The following EYA2 variants were observed in gnomAD, a reference collection of about 807,000 sequenced individuals.
EYA2 encodes the protein EYA transcriptional coactivator and phosphatase 2.
In EYA2, 31 loss-of-function variants were observed where a neutral mutation model predicts 69.2. That is an observed-to-expected ratio of 0.45 (90% confidence interval 0.34 to 0.60). The LOEUF (loss-of-function observed/expected upper bound fraction) is 0.60, where lower values mean the gene tolerates loss of function less well. EYA2 is among the 20% of genes least tolerant of loss of function. The pLI is 0.02. For synonymous variants in EYA2, 257 were observed against 279.4 expected, an observed-to-expected ratio of 0.92 and a Z score of 0.80; for missense variants, 622 against 701.2, an observed-to-expected ratio of 0.89 and a Z score of 1.28.
chr20:47,037,426 CGTGTTGCATTGTTAT>C (rs1178195500), intron 5 of EYA2, among the ~76,000 whole-genome samples: 3 of 152,194 alleles, frequency 2.0e-5, no homozygotes, highest in East Asian at 1.9e-4. Context: ...GGCATTATTA[CGTGTTGCATTGTTAT>C]GTGTTGCATT....
intron 1 of EYA2, among the ~76,000 whole-genome samples, chr20:46,966,793 C>T (rs553345007): frequency 1.0e-4 from 15 of 147,464 alleles, no homozygotes; most frequent in Non-Finnish European, 1.5e-4. Flanking sequence ...CCAGCCTGGG[C>T]GACAGAGCGA....
chr20:47,156,346 A>C (rs1042798032), intron 10 of EYA2, among the ~76,000 whole-genome samples: 1 of 150,430 alleles, frequency 6.6e-6, no homozygotes, highest in African/African-American at 2.4e-5. Flanking sequence ...AAAATAAAAA[A>C]ATAAGGAAAG....
At chr20:47,003,230 C>T (rs1348178350) in intron 3 of EYA2, among the ~76,000 whole-genome samples, 3 of 152,214 alleles carry the variant, frequency 2.0e-5, no homozygotes, top group Admixed American at 2.0e-4. Flanking sequence ...TTAAGTCTCT[C>T]TCTGCCTCTG....
intron 1 of EYA2, among the ~76,000 whole-genome samples, chr20:46,954,023 C>G (rs1237434824): frequency 6.6e-6 from 1 of 152,198 alleles, no homozygotes; most frequent in Non-Finnish European, 1.5e-5. Context: ...TCCAACCACA[C>G]GATTCTTCTT....
intron 11 of EYA2, among the ~76,000 whole-genome samples, chr20:47,172,275 A>C (rs1366257949): frequency 2.0e-5 from 3 of 151,920 alleles, no homozygotes; most frequent in Non-Finnish European, 4.4e-5. Context: ...CTCTCCAAAA[A>C]ATAAAAATAA....
chr20:47,134,086 T>G (rs1199165082), intron 9 of EYA2, among the ~76,000 whole-genome samples: 1 of 152,202 alleles, frequency 6.6e-6, no homozygotes, highest in Non-Finnish European at 1.5e-5. Context: ...AGTTAACCCT[T>G]TCCTGCACAG....
At chr20:47,050,206 A>G (rs1220668172) in intron 5 of EYA2, among the ~76,000 whole-genome samples, 2 of 152,180 alleles carry the variant, frequency 1.3e-5, no homozygotes, top group East Asian at 3.8e-4. Context: ...CCTGCCGGAG[A>G]GCTTGGCTTT....
chr20:47,092,656 G>A (rs1056202696), intron 8 of EYA2, among the ~76,000 whole-genome samples: 1 of 152,308 alleles, frequency 6.6e-6, no homozygotes, highest in African/African-American at 2.4e-5. Context: ...AAAGAGGTGG[G>A]GAGGGTTATG....
chr20:47,153,312 T>A (rs1035989067), intron 10 of EYA2, among the ~76,000 whole-genome samples: 1 of 151,918 alleles, frequency 6.6e-6, no homozygotes, highest in Non-Finnish European at 1.5e-5. Flanking sequence ...ATGCCCAGGA[T>A]GAAGCGTAGG....
At chr20:46,986,715 G>A (rs959329434) in intron 1 of EYA2, among the ~76,000 whole-genome samples, 33 of 152,114 alleles carry the variant, frequency 2.2e-4, no homozygotes, top group African/African-American at 8.0e-4. Flanking sequence ...CACATCCCAC[G>A]GTAACAGAAG....
intron 1 of EYA2, among the ~76,000 whole-genome samples, chr20:46,925,923 T>C (rs74988065): frequency 8.3e-6 from 1 of 119,998 alleles, no homozygotes; most frequent in Non-Finnish European, 1.7e-5. Context: ...TCACAGATAA[T>C]AGAGAATTGG....
intron 1 of EYA2, among the ~76,000 whole-genome samples, chr20:46,972,460 C>T (rs1350172143): frequency 6.6e-6 from 1 of 152,204 alleles, no homozygotes; most frequent in Non-Finnish European, 1.5e-5. Context: ...ATGAGATCTG[C>T]ACCTTGTTCC....
At chr20:47,149,096 A>C (rs78573725) in intron 10 of EYA2, among the ~76,000 whole-genome samples, 3 of 152,172 alleles carry the variant, frequency 2.0e-5, no homozygotes, top group African/African-American at 4.8e-5. Flanking sequence ...AAAAAAAAAA[A>C]CAAGTATTAT....
At chr20:46,950,683 G>A (rs1978741198) in intron 1 of EYA2, among the ~76,000 whole-genome samples, 3 of 152,224 alleles carry the variant, frequency 2.0e-5, no homozygotes, top group Admixed American at 2.0e-4. Context: ...ACTGTGCAGA[G>A]TCTGGAGTAG....
intron 10 of EYA2, among the ~76,000 whole-genome samples, chr20:47,154,477 C>A (rs572501150): frequency 6.6e-6 from 1 of 152,096 alleles, no homozygotes; most frequent in Non-Finnish European, 1.5e-5. Flanking sequence ...GTGAACAGCC[C>A]AAGTCACATA....
chr20:47,059,752 T>C (rs1335203782), intron 5 of EYA2, among the ~76,000 whole-genome samples: 1 of 152,226 alleles, frequency 6.6e-6, no homozygotes, highest in Non-Finnish European at 1.5e-5. Context: ...GCCATGGTTG[T>C]GGAATCTTAC....
chr20:47,182,024 C>CT (rs1481147084), intron 14 of EYA2, among the ~76,000 whole-genome samples: 5 of 151,428 alleles, frequency 3.3e-5, no homozygotes, highest in Non-Finnish European at 5.9e-5. Flanking sequence ...AACCTTTTTT[C>CT]TTTTTTTTAA....
intron 9 of EYA2, among the ~76,000 whole-genome samples, chr20:47,138,045 C>G (rs895814274): frequency 6.6e-5 from 10 of 151,304 alleles, no homozygotes; most frequent in Admixed American, 2.6e-4. Flanking sequence ...TGCTAAATGA[C>G]GAGTTAATGG....
At chr20:47,026,449 T>C (rs1161479072) in intron 5 of EYA2, among the ~76,000 whole-genome samples, 1 of 151,744 alleles carries the variant, frequency 6.6e-6, no homozygotes, top group Non-Finnish European at 1.5e-5. Context: ...TTTTTCTTTT[T>C]TGGCACGGCA....
Sources: allele counts gnomAD v4.1 joint callset (sites outside exome capture counted in the v4.1 genomes callset), GRCh38; gene constraint gnomAD v4.1.1; transcripts MANE v1.5; gene names NCBI Gene and HGNC (gene_info 2026-07-23, HGNC 2026-07-21).